The following BCAS2 variants were observed in gnomAD, a reference collection of about 807,000 sequenced individuals.
BCAS2 encodes pre-mRNA-splicing factor SPF27.
In BCAS2, 34 loss-of-function variants were observed where a neutral mutation model predicts 35.3. The observed-to-expected ratio is 0.96, with a 90% CI of 0.73 to 1.28. The LOEUF (loss-of-function observed/expected upper bound fraction) is 1.28. Among genes scored for constraint, BCAS2 ranks in the 50% most tolerant of loss-of-function variants. The pLI, the probability that BCAS2 is intolerant of heterozygous loss-of-function variation, is 0.00. For missense variants in BCAS2, 221 were observed against 268.1 expected (o/e 0.82, Z 1.23); for synonymous variants, 75 against 91.6 (o/e 0.82, Z 1.03).
chr1:114,572,906 A>T (rs1654674931), intron 4 of BCAS2, among the ~76,000 whole-genome samples: 1 of 152,090 alleles, frequency 6.6e-6, no homozygotes, highest in Admixed American at 6.6e-5. Context: ...TGAGGCCAGG[A>T]GCTCAAGACC....
chr1:114,580,547 T>A (rs1377800629), intron 2 of BCAS2, among the ~76,000 whole-genome samples: 1 of 152,218 alleles, frequency 6.6e-6, no homozygotes, highest in Non-Finnish European at 1.5e-5. Flanking sequence ...CATTTATACA[T>A]ACTATTGTAA....
intron 5 of BCAS2, 28 bp downstream of exon 5, chr1:114,570,672 C>A: frequency 6.7e-7 from 1 of 1,501,010 alleles, no homozygotes; most frequent in East Asian, 2.3e-5. Flanking sequence ...ACTTAAACTT[C>A]ATTCTGTAAT....
chr1:114,577,974 C>T (rs899845111), intron 2 of BCAS2, among the ~76,000 whole-genome samples: 3 of 152,114 alleles, frequency 2.0e-5, no homozygotes, highest in Non-Finnish European at 4.4e-5. Context: ...GGGTGGATCA[C>T]GAGGTCAAGA....
chr1:114,571,211 T>C (rs868735883), intron 4 of BCAS2, among the ~76,000 whole-genome samples: 8 of 152,178 alleles, frequency 5.3e-5, no homozygotes, highest in Middle Eastern at 3.4e-3. Flanking sequence ...TGTACTGCCA[T>C]GCCTTGCTAA....
chr1:114,571,359 C>CT (rs1011690077), intron 4 of BCAS2, among the ~76,000 whole-genome samples: 14 of 151,582 alleles, frequency 9.2e-5, no homozygotes, highest in East Asian at 1.9e-4. Context: ...CTGTACCCAG[C>CT]TTTTTTTTGC....
At chr1:114,579,891 T>C (rs976302810) in intron 2 of BCAS2, among the ~76,000 whole-genome samples, 1 of 151,870 alleles carries the variant, frequency 6.6e-6, no homozygotes, top group South Asian at 2.1e-4. Flanking sequence ...CAAACTTAAC[T>C]AACAATTTTT....
chr1:114,572,066 G>C (rs1654660635), intron 4 of BCAS2, among the ~76,000 whole-genome samples: 1 of 152,070 alleles, frequency 6.6e-6, no homozygotes, highest in Non-Finnish European at 1.5e-5. Flanking sequence ...TAAGGCAGTG[G>C]ATCAATCACC....
chr1:114,573,975 T>C (rs903906811), intron 4 of BCAS2, among the ~76,000 whole-genome samples: 8 of 152,214 alleles, frequency 5.3e-5, no homozygotes, highest in African/African-American at 1.4e-4. Context: ...CATACTGTTA[T>C]GAAGTTCAGT....
chr1:114,575,537 G>C lies in BCAS2; in HGVS notation c.419+53C>G, dbSNP rs1327758748. The C allele has an allele frequency of 3.3e-6, 5 of 1,522,402 alleles. No homozygotes were observed. In the East Asian group the frequency reaches 9.1e-5, roughly 28 times the overall value. 94.3% of individuals were successfully genotyped at this position (1,522,402 alleles called of 1,614,324 possible). A position where few individuals can be genotyped will look rare whatever the true frequency, so the allele number is the denominator to read the frequency against. On this transcript the variant is annotated intron_variant, in intron 4 of 6. Transcript: ENST00000369541. ...ATGTACTAAAACTTTGGGTGAGATG[G>C]AAAGAAAAGAGAAAAAACAAAAAAA...
At chr1:114,571,181 A>C (rs1203503632) in intron 4 of BCAS2, among the ~76,000 whole-genome samples, 2 of 151,876 alleles carry the variant, frequency 1.3e-5, no homozygotes, top group African/African-American at 2.4e-5. Context: ...CAGCCTCCCA[A>C]GTAGCTGGGA....
intron 1 of BCAS2, 26 bp downstream of exon 1, chr1:114,581,473 C>G: frequency 1.2e-6 from 2 of 1,614,026 alleles, no homozygotes; most frequent in Non-Finnish European, 1.7e-6. Flanking sequence ...AGCAGTGAGT[C>G]AGCTACAAAG....
intron 3 of BCAS2, among the ~76,000 whole-genome samples, chr1:114,576,128 C>T (rs1008736003): frequency 2.0e-5 from 3 of 151,930 alleles, no homozygotes; most frequent in African/African-American, 7.2e-5. Context: ...CACCCATCCA[C>T]TAACATACCC....
chr1:114,568,127 T>G lies in BCAS2; in HGVS notation c.*3A>C. On this transcript the variant is annotated 3_prime_UTR_variant, in exon 7 of 7. Coordinates refer to ENST00000369541, the MANE Select transcript of BCAS2 (RefSeq NM_005872.3). ...CTTTTCTTCTACCTGCTAAATTGTC[T>G]TTTCAGAAGTCTTGCCGGATGTTTT... 6.2e-7 allele frequency: 1 copy of G among 1,612,160 alleles called. No homozygotes were observed. Among genetic ancestry groups the G allele is most frequent in the Non-Finnish European group, 8.5e-7 (1 of 1,179,918 alleles).
At chr1:114,571,188 G>C (rs1654632242) in intron 4 of BCAS2, among the ~76,000 whole-genome samples, 1 of 152,030 alleles carries the variant, frequency 6.6e-6, no homozygotes, top group Non-Finnish European at 1.5e-5. Flanking sequence ...CCAAGTAGCT[G>C]GGATTACAGG....
chr1:114,572,656 C>T (rs1409443446), intron 4 of BCAS2, among the ~76,000 whole-genome samples: 1 of 152,164 alleles, frequency 6.6e-6, no homozygotes, highest in African/African-American at 2.4e-5. Flanking sequence ...AGTAAGCAAA[C>T]TAGAGCTGAG....
intron 2 of BCAS2, among the ~76,000 whole-genome samples, chr1:114,577,844 A>C (rs1419789536): frequency 2.0e-5 from 3 of 152,352 alleles, no homozygotes; most frequent in Middle Eastern, 6.8e-3. Flanking sequence ...AACTATCTTA[A>C]CAATTAGACT....
rs772117013 is a variant in BCAS2 at position 114,575,711 on chromosome 1, T to C, written c.298A>G (p.Ile100Val). 2.5e-6 allele frequency: 4 copies of C among 1,613,070 alleles called. No homozygotes were observed. In the South Asian group the frequency reaches 4.4e-5, roughly 18 times the overall value. Residue 100 changes from isoleucine to valine, a missense_variant, in exon 4 of 7, where the codon ATT becomes GTT. Ile to Val is a conservative substitution (Grantham distance 29). Coordinates refer to ENST00000369541, the MANE Select transcript of BCAS2 (RefSeq NM_005872.3). ...TTTACACATTCTTGCCATGCAGTAA[T>C]GTCATTTTTTTGACCAGAGGAGGGG... ...PAPSSGQKND[I>V]TAWQECVNNS...
At position 114,575,196 on chromosome 1, in the gene BCAS2, T is replaced by C. The variant is rs1371915824; in HGVS notation, c.419+394A>G. 2.0e-5 allele frequency among the ~76,000 whole-genome samples: 3 copies of C among 146,572 alleles called. No homozygotes were observed. The East Asian group carries it at 5.9e-4, about 29-fold the overall frequency. ...TTTTCTTTTTCTTTTCTTTTTTTTT[T>C]TTTTTTTTTGAGATAGAGTCTCATT... On this transcript the variant is annotated intron_variant, in intron 4 of 6. Transcript: ENST00000369541.
At chr1:114,572,538 A>G (rs1654669198) in intron 4 of BCAS2, among the ~76,000 whole-genome samples, 2 of 152,250 alleles carry the variant, frequency 1.3e-5, no homozygotes, top group South Asian at 4.1e-4. Flanking sequence ...ACTATAGAGC[A>G]CTTTGTGATT....
Sources: gnomAD v4.1 joint callset for allele counts (sites outside exome capture counted in the v4.1 genomes callset) on GRCh38, gnomAD v4.1.1 for gene constraint, MANE v1.5 for transcripts, NCBI Gene and HGNC (gene_info 2026-07-23, HGNC 2026-07-21) for gene names.